The following COL17A1 variants were observed in gnomAD, a reference collection of about 807,000 sequenced individuals.
The protein encoded by COL17A1 is collagen alpha-1(XVII) chain.
A neutral mutation model predicts 218.4 loss-of-function variants in COL17A1; 181 were observed. That is an observed-to-expected ratio of 0.83 (90% CI 0.73 to 0.94). The LOEUF (loss-of-function observed/expected upper bound fraction) is 0.94, where lower values mean the gene tolerates loss of function less well. Among genes scored for constraint, COL17A1 ranks in the 40% least tolerant of loss-of-function variants. COL17A1 has a pLI of 0.00. For missense variants in COL17A1, 1,924 were observed against 1,945.9 expected, an observed-to-expected ratio of 0.99 and a Z score of 0.21; for synonymous variants, 721 against 731.0, an observed-to-expected ratio of 0.99 and a Z score of 0.22.
At chr10:104,037,548 A>G (rs1464088384) in intron 46 of COL17A1, 88 bp downstream of exon 46, 7 of 1,528,922 alleles carry the variant, frequency 4.6e-6, no homozygotes, top group Non-Finnish European at 6.3e-6. Flanking sequence ...AGGGCAAAGC[A>G]AACAGCAAAC....
chr10:104,072,261 A>G (rs532354725), intron 7 of COL17A1, among the ~76,000 whole-genome samples, 182 bp from the exon 8 acceptor site: 5 of 152,160 alleles, frequency 3.3e-5, no homozygotes, highest in Admixed American at 6.5e-5. Flanking sequence ...CCCTACCTCC[A>G]ACAATTCCCC....
rs1421688708 is a variant in COL17A1 at position 104,060,292 on chromosome 10, G to A, written c.980-12C>T. On this transcript the variant is annotated splice_polypyrimidine_tract_variant and intron_variant, in intron 13 of 55. Transcript: ENST00000648076. The stretch of plus-strand genomic sequence containing the variant: ...ACTTGTGGTGCAGGCTGGGGAGAAA[G>A]AAAATGGGTAAGAAGGAAGGACATG... 1 of 1,613,834 alleles carries A rather than the reference G, an allele frequency of 6.2e-7. No homozygotes were observed. The highest frequency in any genetic ancestry group is 1.3e-5 in the African/African-American group (1 of 74,942).
intron 1 of COL17A1, among the ~76,000 whole-genome samples, chr10:104,085,237 G>A (rs1362770798): frequency 6.6e-6 from 1 of 152,144 alleles, no homozygotes; most frequent in Non-Finnish European, 1.5e-5. Context: ...CTTAATCAGA[G>A]AGGCCCAGTC....
At chr10:104,084,071 C>T (rs979428763) in intron 1 of COL17A1, among the ~76,000 whole-genome samples, 2 of 152,136 alleles carry the variant, frequency 1.3e-5, no homozygotes, top group Non-Finnish European at 2.9e-5. Flanking sequence ...CTGTAACACC[C>T]CAGAGATGGG....
chr10:104,050,749 C>G, intron 26 of COL17A1, 93 bp from the exon 27 acceptor site: 1 of 1,614,116 alleles, frequency 6.2e-7, no homozygotes, highest in South Asian at 1.1e-5. Context: ...CTCCCTCAAT[C>G]CTGACTTCTT....
intron 12 of COL17A1, 123 bp downstream of exon 12, chr10:104,062,135 T>C (rs2086588221): frequency 7.0e-7 from 1 of 1,434,564 alleles, no homozygotes; most frequent in African/African-American, 1.4e-5. Flanking sequence ...TCTTGAGTGT[T>C]GTGTCTTTGG....
At chr10:104,064,375 G>C (rs1478734104) in intron 10 of COL17A1, 63 bp downstream of exon 10, 15 of 1,611,622 alleles carry the variant, frequency 9.3e-6, no homozygotes, top group Non-Finnish European at 1.3e-5. Context: ...GGGTCATCCA[G>C]CTCCAGGATA....
At position 104,043,711 on chromosome 10, in the gene COL17A1, C is replaced by T. The variant is rs181515353; in HGVS notation, c.2434+114G>A. On this transcript the variant is annotated intron_variant, in intron 34 of 55. Coordinates refer to ENST00000648076, the MANE Select transcript of COL17A1 (RefSeq NM_000494.4). ...TCGCTGCTAAATTTCCCTCCTCCCC[C>T]GCTACTGATCCAAAAAACTCCCAGC... is the stretch of plus-strand genomic sequence containing the variant. 1.0e-3 allele frequency: 1,583 copies of T among 1,515,088 alleles called. 25 individuals are homozygous for T. In the Admixed American group the frequency reaches 0.019, roughly 18 times the overall value. The allele number at this position is 1,515,088 out of a possible 1,614,324, so 93.9% of individuals were successfully genotyped here.
chr10:104,045,721 G>T (rs1717878547), intron 33 of COL17A1, 37 bp downstream of exon 33: 2 of 1,577,214 alleles, frequency 1.3e-6, no homozygotes, highest in Non-Finnish European at 1.7e-6. Context: ...AAAATGGCCA[G>T]TGAAAAGAAA....
rs1403469953 is a variant in COL17A1 at position 104,034,540 on chromosome 10, T to TTAAG, written c.3766+77_3766+80dup. ...GCTCTCGTGTGGCCTTCCTGTCCCTTTAAGTGCCTCCCTGCCCCACTTACA... is the reference window on the plus strand; with the variant it reads ...GCTCTCGTGTGGCCTTCCTGTCCCTTTAAGTAAGTGCCTCCCTGCCCCACTTACA... On this transcript the variant is annotated intron_variant, in intron 51 of 55. Coordinates refer to ENST00000648076, the MANE Select transcript of COL17A1 (RefSeq NM_000494.4). The TTAAG allele has an allele frequency of 8.0e-5, 125 of 1,555,084 alleles. 1 individual carries two copies. In the South Asian group the frequency reaches 1.4e-3, roughly 18 times the overall value.
chr10:104,040,957 G>A (rs1261766567), intron 39 of COL17A1, 108 bp downstream of exon 39: 2 of 1,211,020 alleles, frequency 1.7e-6, no homozygotes, highest in Non-Finnish European at 1.2e-6. Context: ...TGGAAGTCAG[G>A]AGCAGGAAGC....
chr10:104,062,564 A>C (rs2086592381), intron 11 of COL17A1, among the ~76,000 whole-genome samples: 1 of 152,214 alleles, frequency 6.6e-6, no homozygotes, highest in Non-Finnish European at 1.5e-5. Flanking sequence ...AGGTCCATCC[A>C]AGTTAAAAGC....
Position 104,034,842 on chromosome 10 carries a change from C to G in COL17A1, c.3620-75G>C, listed in dbSNP as rs540228453. 3.2e-6 allele frequency: 5 copies of G among 1,565,302 alleles called. No homozygotes were observed. In the South Asian group the frequency reaches 5.9e-5, roughly 18 times the overall value. On this transcript the variant is annotated intron_variant, in intron 50 of 55. Coordinates refer to ENST00000648076, the MANE Select transcript of COL17A1 (RefSeq NM_000494.4). ...CTGAATTCCCAGCCTGTGCTCGGGG[C>G]GCTGTGGGCCCCACCTGAAAGGAGG...
At chr10:104,068,654 A>AT (rs2134642323) in intron 9 of COL17A1, among the ~76,000 whole-genome samples, 1 of 152,336 alleles carries the variant, frequency 6.6e-6, no homozygotes, top group African/African-American at 2.4e-5. Flanking sequence ...GGGAGAAAGA[A>AT]TTTGTACATG....
intron 33 of COL17A1, among the ~76,000 whole-genome samples, 182 bp downstream of exon 33, chr10:104,045,576 G>A (rs1440890600): frequency 6.6e-6 from 1 of 152,078 alleles, no homozygotes; most frequent in African/African-American, 2.4e-5. Flanking sequence ...GAGGGGTGGG[G>A]CTTGAGGACT....
chr10:104,031,653 T>C lies in COL17A1; in HGVS notation c.*582A>G, dbSNP rs1333091356. Reference sequence around the variant, plus strand: ...AGCAAATGGGAATGTGATATACATATAACCATTAGAAACCCTATCATCACC... The same window carrying C: ...AGCAAATGGGAATGTGATATACATACAACCATTAGAAACCCTATCATCACC... On this transcript the variant is annotated 3_prime_UTR_variant, in exon 56 of 56. Transcript: ENST00000648076. 1.9e-5 allele frequency: 3 copies of C among 161,118 alleles called. No individual in the cohort carries two copies. The highest frequency in any genetic ancestry group is 3.5e-4 in the East Asian group (2 of 5,740). 10.0% of individuals were successfully genotyped at this position (161,118 alleles called of 1,614,324 possible). A position where few individuals can be genotyped will look rare whatever the true frequency, so the allele number is the denominator to read the frequency against.
At chr10:104,048,138 C>T (rs372034122) in intron 29 of COL17A1, 34 bp from the exon 30 acceptor site, 2 of 1,613,028 alleles carry the variant, frequency 1.2e-6, no homozygotes, top group Non-Finnish European at 1.7e-6. Context: ...CTCAGTTGCT[C>T]CTGGAGTGAT....
chr10:104,063,067 G>C (rs1564682105), intron 11 of COL17A1, among the ~76,000 whole-genome samples: 1 of 152,178 alleles, frequency 6.6e-6, no homozygotes, highest in Non-Finnish European at 1.5e-5. Context: ...CTGGAGGAAG[G>C]TGCTGAAAAT....
chr10:104,070,332 T>G, intron 9 of COL17A1, 94 bp downstream of exon 9: 3 of 1,578,308 alleles, frequency 1.9e-6, no homozygotes, highest in Non-Finnish European at 2.6e-6. Flanking sequence ...AAGTCTCACT[T>G]TCACTGTTCT....
Sources: allele counts gnomAD v4.1 joint callset (sites outside exome capture counted in the v4.1 genomes callset), GRCh38; gene constraint gnomAD v4.1.1; transcripts MANE v1.5; gene names NCBI Gene and HGNC (gene_info 2026-07-23, HGNC 2026-07-21).